Variants in KIAA1958 observed in about 807,000 individuals in gnomAD.
The protein encoded by KIAA1958 is KIAA1958.
A neutral mutation model predicts 47.2 loss-of-function variants in KIAA1958; 14 were observed. The ratio of observed to expected loss-of-function variants is 0.30; its 90% CI spans 0.20 to 0.46. KIAA1958 has a LOEUF of 0.46. KIAA1958 is among the 20% of genes least tolerant of loss of function. KIAA1958 has a pLI of 1.00. For synonymous variants in KIAA1958, 354 were observed against 353.3 expected, an observed-to-expected ratio of 1.00 and a Z score of -0.02; for missense variants, 803 against 909.2, an observed-to-expected ratio of 0.88 and a Z score of 1.50.
chr9:112,598,077 G>C (rs1330631786), intron 2 of KIAA1958, among the ~76,000 whole-genome samples: 1 of 152,180 alleles, frequency 6.6e-6, no homozygotes, highest in Non-Finnish European at 1.5e-5. Flanking sequence ...GGAAAAAGCG[G>C]AGAATTTGTT....
At chr9:112,577,543 T>C (rs544365411) in intron 2 of KIAA1958, among the ~76,000 whole-genome samples, 3 of 152,022 alleles carry the variant, frequency 2.0e-5, no homozygotes, top group Admixed American at 6.5e-5. Context: ...TTTTTTTTTT[T>C]TCATTTAAAT....
chr9:112,617,996 A>G (rs1564191755), intron 2 of KIAA1958: 2 of 1,550,430 alleles, frequency 1.3e-6, no homozygotes, highest in South Asian at 1.2e-5. Flanking sequence ...AACAAGAGAG[A>G]TTTATGTCAT....
chr9:112,488,446 ATTCAGATT>A (rs1272247181), intron 1 of KIAA1958, among the ~76,000 whole-genome samples: 4 of 152,226 alleles, frequency 2.6e-5, no homozygotes, highest in Admixed American at 2.6e-4. Context: ...AATTTTACAG[ATTCAGATT>A]TTTAATACGC....
intron 2 of KIAA1958, among the ~76,000 whole-genome samples, chr9:112,588,708 C>T (rs1835870490): frequency 6.6e-6 from 1 of 152,042 alleles, no homozygotes; most frequent in African/African-American, 2.4e-5. Context: ...GTTTGGTGCC[C>T]ATGAGATTCC....
At chr9:112,510,919 A>G (rs1385918399) in intron 1 of KIAA1958, among the ~76,000 whole-genome samples, 4 of 152,104 alleles carry the variant, frequency 2.6e-5, no homozygotes, top group Non-Finnish European at 4.4e-5. Context: ...CCAGGCAGCC[A>G]GTATAAAATC....
At chr9:112,584,101 A>G (rs1835782902) in intron 2 of KIAA1958, among the ~76,000 whole-genome samples, 1 of 152,068 alleles carries the variant, frequency 6.6e-6, no homozygotes, top group Non-Finnish European at 1.5e-5. Flanking sequence ...ACATGAGTTT[A>G]TGTTAACAGG....
intron 1 of KIAA1958, among the ~76,000 whole-genome samples, chr9:112,503,869 A>G (rs1473533610): frequency 1.3e-5 from 2 of 151,918 alleles, no homozygotes; most frequent in African/African-American, 4.8e-5. Context: ...CATAAGGAAA[A>G]GATTGGAAGG....
intron 3 of KIAA1958, among the ~76,000 whole-genome samples, chr9:112,657,479 A>C (rs1837169362): frequency 6.6e-6 from 1 of 152,200 alleles, no homozygotes; most frequent in Non-Finnish European, 1.5e-5. Flanking sequence ...GTTTTCTAAC[A>C]ATGTCATTCA....
chr9:112,543,801 G>T (rs991166241), intron 1 of KIAA1958, among the ~76,000 whole-genome samples: 3 of 151,972 alleles, frequency 2.0e-5, no homozygotes, highest in African/African-American at 7.2e-5. Context: ...TCGAACTTCC[G>T]ACCTCAGATG....
At chr9:112,572,504 G>T (rs1336089682) in intron 1 of KIAA1958, among the ~76,000 whole-genome samples, 1 of 152,196 alleles carries the variant, frequency 6.6e-6, no homozygotes, top group Non-Finnish European at 1.5e-5. Context: ...AGACAGACAA[G>T]CAAATCAATG....
chr9:112,654,107 G>A (rs191685959), intron 3 of KIAA1958, among the ~76,000 whole-genome samples: 5 of 152,264 alleles, frequency 3.3e-5, no homozygotes, highest in Admixed American at 2.0e-4. Flanking sequence ...GAGGGGAATC[G>A]TAGCTGTCTT....
At chr9:112,522,435 A>G (rs1201198961) in intron 1 of KIAA1958, among the ~76,000 whole-genome samples, 3 of 152,210 alleles carry the variant, frequency 2.0e-5, no homozygotes, top group African/African-American at 4.8e-5. Flanking sequence ...TTCCACCTCT[A>G]AGTAGCTCTG....
intron 2 of KIAA1958, among the ~76,000 whole-genome samples, chr9:112,614,398 A>G (rs978340164): frequency 6.6e-6 from 1 of 152,190 alleles, no homozygotes; most frequent in African/African-American, 2.4e-5. Flanking sequence ...AGTCTATTTC[A>G]TTGTATGTAT....
Position 112,618,055 on chromosome 9 carries a change from C to G in KIAA1958, c.1172-27595C>G. 6.4e-7 allele frequency: 1 copy of G among 1,550,538 alleles called. No homozygotes were observed. The highest frequency in any genetic ancestry group is 8.7e-7 in the Non-Finnish European group (1 of 1,147,002). ...ACCTTGCCTCTTTCTTTGTTGATGCCAGGCAGAAGGATGGGTCCGAATACG... is the reference window on the plus strand; with the variant it reads ...ACCTTGCCTCTTTCTTTGTTGATGCGAGGCAGAAGGATGGGTCCGAATACG... On this transcript the variant is annotated intron_variant, in intron 2 of 3. Transcript: ENST00000337530. This position sits in a 1 kb window ranked among gnomAD's most constrained non-coding sequence, Gnocchi z 7.1.
At chr9:112,659,234 G>C (rs768983867) in intron 3 of KIAA1958, 29 bp from the exon 4 acceptor site, 3 of 1,585,038 alleles carry the variant, frequency 1.9e-6, no homozygotes, top group Non-Finnish European at 2.6e-6. Flanking sequence ...AGTGTCAAGT[G>C]TGTAACCTCC....
At position 112,669,272 on chromosome 9, in the gene KIAA1958, T is replaced by C. The variant is rs76553189; in HGVS notation, c.*9203T>C. 0.051 allele frequency: 7,817 copies of C among 152,298 alleles called. 277 individuals are homozygous for C. The highest frequency in any genetic ancestry group is 0.12 in the East Asian group (619 of 5,184). The allele number at this position is 152,298 out of a possible 1,614,324, so 9.4% of individuals were successfully genotyped here. ...CTCTAGTTGATAGTCCAGTAGTCTG[T>C]TAACAATTTGTAAGGACCTGGGTTA... On this transcript the variant is annotated 3_prime_UTR_variant, in exon 4 of 4. Transcript: ENST00000337530.
At chr9:112,508,017 C>T (rs906835491) in intron 1 of KIAA1958, among the ~76,000 whole-genome samples, 2 of 151,950 alleles carry the variant, frequency 1.3e-5, no homozygotes, top group Admixed American at 6.6e-5. Flanking sequence ...TTATTAAATA[C>T]ATATCTATAT....
rs1415702020 is a variant in KIAA1958, at chr9:112,665,613, T to A, written c.*5544T>A. On this transcript the variant is annotated 3_prime_UTR_variant, in exon 4 of 4. Coordinates refer to ENST00000337530, the MANE Select transcript of KIAA1958 (RefSeq NM_133465.4). ...TTTGGTTTGTTTGGCAAATATTTCA[T>A]CTCTCAAGCCATACTGTGTCACCCC... 1.3e-5 allele frequency: 2 copies of A among 152,184 alleles called. No individual in the cohort carries two copies. The highest frequency in any genetic ancestry group is 4.8e-5 in the African/African-American group (2 of 41,442). 9.4% of individuals were successfully genotyped at this position (152,184 alleles called of 1,614,324 possible).
intron 2 of KIAA1958, among the ~76,000 whole-genome samples, chr9:112,640,722 T>G (rs2131238730): frequency 2.0e-5 from 3 of 152,322 alleles, no homozygotes; most frequent in Admixed American, 2.0e-4. Context: ...TTTTGCTTCT[T>G]GAGTTCTGGT....
Sources: gnomAD v4.1 joint callset for allele counts (sites outside exome capture counted in the v4.1 genomes callset) on GRCh38, gnomAD v4.1.1 for gene constraint, Gnocchi (gnomAD v3.1) non-coding constraint, MANE v1.5 for transcripts, NCBI Gene and HGNC (gene_info 2026-07-23, HGNC 2026-07-21) for gene names.